Variants in RSF1 observed in about 807,000 individuals in gnomAD.
RSF1 encodes remodeling and spacing factor 1.
RSF1 carries 13 observed loss-of-function variants against 145.2 expected under a neutral mutation model. That is an observed-to-expected ratio of 0.09 (90% CI 0.06 to 0.14). The LOEUF (loss-of-function observed/expected upper bound fraction) is 0.14. Ranked by LOEUF, RSF1 falls within the 10% of genes least tolerant of loss-of-function variation. The pLI, the probability that RSF1 is intolerant of heterozygous loss-of-function variation, is 1.00. For synonymous variants in RSF1, 577 were observed against 592.6 expected (o/e 0.97, Z 0.38); for missense variants, 1,517 against 1,718.2 (o/e 0.88, Z 2.07).
intron 6 of RSF1, among the ~76,000 whole-genome samples, 160 bp from the exon 7 acceptor site, chr11:77,698,853 T>C (rs1451224523): frequency 6.6e-6 from 1 of 152,238 alleles, no homozygotes; most frequent in Non-Finnish European, 1.5e-5. Flanking sequence ...TGGTTAAATT[T>C]TGGTATATAT....
At chr11:77,689,918 C>T (rs1381217716) in intron 9 of RSF1, among the ~76,000 whole-genome samples, 1 of 152,174 alleles carries the variant, frequency 6.6e-6, no homozygotes, top group Non-Finnish European at 1.5e-5. Context: ...AATCCCAGCT[C>T]TTTGGAAGGC....
Position 77,759,919 on chromosome 11 carries a change from C to CATTTGATT in RSF1, c.279+4678_279+4679insAATCAAAT, listed in dbSNP as rs1267721317. The stretch of plus-strand genomic sequence containing the variant: ...TAAGCTGTCAAATGTTATCTATTAT[C>CATTTGATT]ATTATTATTAAAAAGTTATAAAGAA... On this transcript the variant is annotated intron_variant, in intron 2 of 15. Coordinates refer to ENST00000308488, the MANE Select transcript of RSF1 (RefSeq NM_016578.4). Among the ~76,000 whole-genome samples, 6 of 148,448 alleles carry CATTTGATT rather than the reference C, an allele frequency of 4.0e-5. No individual in the cohort carries two copies. In the East Asian group the frequency reaches 1.2e-3, roughly 30 times the overall value.
rs1948488776 is a variant in RSF1 at position 77,788,946 on chromosome 11, G to A, written c.188-24257C>T. ...CCAGCTACTTGTGAGGGTGAGATGGGAGGATTACTGAGGCCAAGAGTTGGA... is the reference window on the plus strand; with the variant it reads ...CCAGCTACTTGTGAGGGTGAGATGGAAGGATTACTGAGGCCAAGAGTTGGA... On this transcript the variant is annotated intron_variant, in intron 1 of 15. Coordinates refer to ENST00000308488, the MANE Select transcript of RSF1 (RefSeq NM_016578.4). Among the ~76,000 whole-genome samples the A allele has an allele frequency of 2.0e-5, 3 of 152,174 alleles. 1 individual carries two copies. Among genetic ancestry groups the A allele is most frequent in the Admixed American group, 2.0e-4 (3 of 15,274 alleles).
intron 5 of RSF1, among the ~76,000 whole-genome samples, chr11:77,707,500 A>G (rs556287824): frequency 9.2e-5 from 14 of 152,352 alleles, no homozygotes; most frequent in African/African-American, 2.6e-4. Flanking sequence ...TTAAAATATA[A>G]GCTAAAACTA....
At chr11:77,808,171 TA>T (rs1948696312) in intron 1 of RSF1, among the ~76,000 whole-genome samples, 1 of 151,798 alleles carries the variant, frequency 6.6e-6, no homozygotes, top group African/African-American at 2.4e-5. Context: ...CTGTCTCTAT[TA>T]AAAATACAAA....
intron 1 of RSF1, among the ~76,000 whole-genome samples, chr11:77,792,591 C>T (rs995799695): frequency 9.9e-5 from 15 of 152,266 alleles, no homozygotes; most frequent in Admixed American, 6.5e-4. Flanking sequence ...AATAACCAGA[C>T]CCTAAGCTGT....
At chr11:77,861,058 G>A in the RSF1 span, among the ~76,000 whole-genome samples, 7 of 152,208 alleles carry the variant, frequency 4.6e-5, no homozygotes, top group Admixed American at 1.3e-4. Flanking sequence ...CCTTTGGTAC[G>A]GAAAGGAGGC....
At chr11:77,745,489 G>C (rs1947990201) in intron 3 of RSF1, among the ~76,000 whole-genome samples, 1 of 148,182 alleles carries the variant, frequency 6.7e-6, no homozygotes, top group Non-Finnish European at 1.5e-5. Context: ...TCTCTCAAGA[G>C]TTTTAAAATT....
the RSF1 span, among the ~76,000 whole-genome samples, chr11:77,863,248 T>G: frequency 6.6e-6 from 1 of 152,132 alleles, no homozygotes; most frequent in African/African-American, 2.4e-5. Context: ...AAGCCTTTAT[T>G]TAGCCCAATC....
rs983011195 is a variant in RSF1, at chr11:77,665,139, T to C, written c.*1778A>G. On this transcript the variant is annotated 3_prime_UTR_variant, in exon 16 of 16. Coordinates refer to ENST00000308488, the MANE Select transcript of RSF1 (RefSeq NM_016578.4). ...AGATAAGATTTAAGGGCAATACCTG[T>C]TGAAGAAGGAAAAGGAGTATAAAGT... 2.6e-5 allele frequency: 4 copies of C among 152,168 alleles called. No individual in the cohort carries two copies. Among genetic ancestry groups the C allele is most frequent in the Non-Finnish European group, 5.9e-5 (4 of 68,034 alleles). 9.4% of individuals were successfully genotyped at this position (152,168 alleles called of 1,614,324 possible).
intron 4 of RSF1, among the ~76,000 whole-genome samples, chr11:77,740,436 C>CT (rs1961480903): frequency 6.6e-6 from 1 of 152,186 alleles, no homozygotes; most frequent in Non-Finnish European, 1.5e-5. Flanking sequence ...GTGCTTTTGT[C>CT]TAACAATGTA....
chr11:77,704,013 G>A (rs1960484309), intron 5 of RSF1, among the ~76,000 whole-genome samples: 1 of 152,214 alleles, frequency 6.6e-6, no homozygotes, highest in Non-Finnish European at 1.5e-5. Flanking sequence ...AACTTCAACT[G>A]CCACGTGCAA....
Position 77,660,160 on chromosome 11 carries a change from G to C in RSF1, c.*6757C>G, listed in dbSNP as rs1293459676. Reference sequence around the variant, plus strand: ...CCTGGCTTATAACACCAAGAGTTCTGATCAGACTGTAGTGAGACACTGAAC... The same window carrying C: ...CCTGGCTTATAACACCAAGAGTTCTCATCAGACTGTAGTGAGACACTGAAC... On this transcript the variant is annotated 3_prime_UTR_variant, in exon 16 of 16. Coordinates refer to ENST00000308488, the MANE Select transcript of RSF1 (RefSeq NM_016578.4). 1 of 152,118 alleles carries C rather than the reference G, an allele frequency of 6.6e-6. No individual in the cohort carries two copies. Among genetic ancestry groups the C allele is most frequent in the Non-Finnish European group, 1.5e-5 (1 of 68,006 alleles). 9.4% of individuals were successfully genotyped at this position (152,118 alleles called of 1,614,324 possible).
At chr11:77,733,133 T>C (rs1961249350) in intron 4 of RSF1, among the ~76,000 whole-genome samples, 2 of 152,214 alleles carry the variant, frequency 1.3e-5, no homozygotes, top group Non-Finnish European at 2.9e-5. Context: ...TTGTTAACAT[T>C]TGAAGAAACT....
chr11:77,742,077 G>A (rs540110496), intron 3 of RSF1, among the ~76,000 whole-genome samples: 13 of 152,230 alleles, frequency 8.5e-5, no homozygotes, highest in Middle Eastern at 3.4e-3. Context: ...CCTGTATCTT[G>A]GTTATTGTGA....
the RSF1 span, among the ~76,000 whole-genome samples, chr11:77,835,291 G>A: frequency 2.0e-5 from 3 of 152,040 alleles, no homozygotes; most frequent in Non-Finnish European, 4.4e-5. Context: ...GGATGTGATC[G>A]CCAGAGCTCC....
chr11:77,746,992 A>G (rs755046572), intron 3 of RSF1, 44 bp downstream of exon 3: 24 of 1,290,634 alleles, frequency 1.9e-5, no homozygotes, highest in Non-Finnish European at 2.4e-5. Context: ...GTCAAAAGTT[A>G]AATTTTAAAT....
At chr11:77,730,374 T>C (rs1016069291) in intron 4 of RSF1, among the ~76,000 whole-genome samples, 15 of 152,144 alleles carry the variant, frequency 9.9e-5, no homozygotes, top group Non-Finnish European at 1.9e-4. Flanking sequence ...ATTTTGAAAA[T>C]ATTTTTAACG....
At chr11:77,769,018 T>C (rs1282363998) in intron 1 of RSF1, among the ~76,000 whole-genome samples, 1 of 152,188 alleles carries the variant, frequency 6.6e-6, no homozygotes, top group Non-Finnish European at 1.5e-5. Flanking sequence ...AATAAACACG[T>C]AGTAAGTTGC....
Sources: allele counts gnomAD v4.1 joint callset (sites outside exome capture counted in the v4.1 genomes callset), GRCh38; gene constraint gnomAD v4.1.1; transcripts MANE v1.5; gene names NCBI Gene and HGNC (gene_info 2026-07-23, HGNC 2026-07-21).